LNX1: variants seen among roughly 807,000 people sequenced by gnomAD.
LNX1 encodes ligand of numb-protein X 1.
Under a neutral mutation model 68.4 loss-of-function variants are expected in LNX1, and 54 were observed. The observed-to-expected ratio is 0.79, with a 90% CI of 0.63 to 0.99. The LOEUF (loss-of-function observed/expected upper bound fraction) is 0.99, where lower values mean the gene tolerates loss of function less well. LNX1 is among the 50% of genes least tolerant of loss of function. The pLI, the probability that LNX1 is intolerant of heterozygous loss-of-function variation, is 0.00. For missense variants in LNX1, 906 were observed against 926.4 expected, an observed-to-expected ratio of 0.98 and a Z score of 0.29; for synonymous variants, 336 against 350.0, an observed-to-expected ratio of 0.96 and a Z score of 0.45.
rs1440935801 is a variant in LNX1 at position 53,459,647 on chromosome 4, TAA to T, written c.*1258_*1259del. 9 of 698,274 alleles carry T rather than the reference TAA, an allele frequency of 1.3e-5. No homozygotes were observed. In the East Asian group the frequency reaches 1.7e-4, roughly 13 times the overall value. 43.3% of individuals were successfully genotyped at this position (698,274 alleles called of 1,614,324 possible). ...TCTTTGTCTTGTACTATTTCAAAAA[TAA>T]AAAGACAGCAATGACTTTATATCCA... is the stretch of plus-strand genomic sequence containing the variant. On this transcript the variant is annotated 3_prime_UTR_variant, in exon 11 of 11. Transcript: ENST00000263925.
At chr4:53,517,794 G>A (rs373369251) in intron 2 of LNX1, among the ~76,000 whole-genome samples, 28 of 152,276 alleles carry the variant, frequency 1.8e-4, no homozygotes, top group Admixed American at 5.2e-4. Flanking sequence ...AAAGTTATGA[G>A]CATTTTTGCG....
intron 2 of LNX1, among the ~76,000 whole-genome samples, chr4:53,562,347 T>C (rs530396933): frequency 2.0e-5 from 3 of 152,296 alleles, no homozygotes; most frequent in Non-Finnish European, 4.4e-5. Flanking sequence ...TTCTCTACAG[T>C]AGACCCATGT....
At chr4:53,532,777 G>T (rs1222692990) in intron 2 of LNX1, among the ~76,000 whole-genome samples, 1 of 152,194 alleles carries the variant, frequency 6.6e-6, no homozygotes, top group Non-Finnish European at 1.5e-5. Flanking sequence ...CAGCTCCTGT[G>T]GGGCAGCAGG....
chr4:53,574,016 G>A lies in LNX1; in HGVS notation c.-14C>T, dbSNP rs1731335793. On this transcript the variant is annotated 5_prime_UTR_variant, in exon 2 of 11. Coordinates refer to ENST00000263925, the MANE Select transcript of LNX1 (RefSeq NM_001126328.3). ...TGGCTGGTTCATGATGGATTGGAGA[G>A]CAGTATAACAGGAAACTCAGTCACA... 3.7e-6 allele frequency: 6 copies of A among 1,600,046 alleles called. No homozygotes were observed. The highest frequency in any genetic ancestry group is 5.1e-6 in the Non-Finnish European group (6 of 1,172,348).
intron 1 of LNX1, among the ~76,000 whole-genome samples, chr4:53,643,500 G>A (rs571577163): frequency 6.6e-6 from 1 of 152,166 alleles, no homozygotes; most frequent in South Asian, 2.1e-4. Flanking sequence ...AGTGGACAGA[G>A]GGTGGCTGAT....
chr4:53,588,339 C>T (rs1250507674), intron 1 of LNX1, among the ~76,000 whole-genome samples: 1 of 152,160 alleles, frequency 6.6e-6, no homozygotes, highest in Non-Finnish European at 1.5e-5. Flanking sequence ...GTGGCAGGTA[C>T]CATTCCAAGC....
At chr4:53,569,738 G>A (rs1214291729) in intron 2 of LNX1, among the ~76,000 whole-genome samples, 2 of 146,228 alleles carry the variant, frequency 1.4e-5, no homozygotes, top group African/African-American at 5.1e-5. Context: ...CCTACAAAAT[G>A]GGAGAAAATT....
chr4:53,530,424 A>G (rs371968881), intron 2 of LNX1, among the ~76,000 whole-genome samples: 2 of 152,338 alleles, frequency 1.3e-5, no homozygotes, highest in Admixed American at 6.5e-5. Flanking sequence ...CTCATTTATA[A>G]TTAAAGAAGT....
At chr4:53,617,816 T>C (rs1202096348), upstream of LNX1, among the ~76,000 whole-genome samples, 1 of 152,202 alleles carries the variant, frequency 6.6e-6, no homozygotes, top group African/African-American at 2.4e-5. Flanking sequence ...TAGAATTATT[T>C]CTGATTGGAT....
At position 53,494,320 on chromosome 4, in the gene LNX1, G is replaced by A. The variant is rs551139762; in HGVS notation, c.1350+1703C>T. 1.1e-4 allele frequency among the ~76,000 whole-genome samples: 17 copies of A among 152,314 alleles called. No homozygotes were observed. The South Asian group carries it at 3.5e-3, about 32-fold the overall frequency. Reference sequence around the variant, plus strand: ...CTGCCATGATTGTGAGGCCTCCCGAGCCATGTGGAACTGTGGATCCATTAA... The same window carrying A: ...CTGCCATGATTGTGAGGCCTCCCGAACCATGTGGAACTGTGGATCCATTAA... On this transcript the variant is annotated intron_variant, in intron 6 of 10. Transcript: ENST00000263925.
At chr4:53,508,970 C>A (rs1409276363) in intron 2 of LNX1, among the ~76,000 whole-genome samples, 1 of 152,028 alleles carries the variant, frequency 6.6e-6, no homozygotes, top group East Asian at 1.9e-4. Context: ...TCCACAAAAA[C>A]CAAACTTTGT....
chr4:53,536,141 A>G (rs1728356105), intron 2 of LNX1, among the ~76,000 whole-genome samples: 1 of 152,214 alleles, frequency 6.6e-6, no homozygotes, highest in African/African-American at 2.4e-5. Context: ...TTTTCCTTAC[A>G]TAAGCAGGAA....
At chr4:53,539,953 T>C (rs1390228176) in intron 2 of LNX1, among the ~76,000 whole-genome samples, 1 of 152,254 alleles carries the variant, frequency 6.6e-6, no homozygotes, top group Non-Finnish European at 1.5e-5. Context: ...GACTTGGCCA[T>C]GTGGTTAGAA....
At position 53,460,773 on chromosome 4, in the gene LNX1, AG is replaced by A; in HGVS notation, c.*133del. 1 of 909,714 alleles carries A rather than the reference AG, an allele frequency of 1.1e-6. No homozygotes were observed. The highest frequency in any genetic ancestry group is 1.8e-5 in the South Asian group (1 of 56,218). The allele number at this position is 909,714 out of a possible 1,614,324, so 56.4% of individuals were successfully genotyped here. ...TTCTGAGGTGTAACTGGCTTTCATT[AG>A]ATGATCATACTTTTCCTGACATTTT... On this transcript the variant is annotated 3_prime_UTR_variant, in exon 11 of 11. Coordinates refer to ENST00000263925, the MANE Select transcript of LNX1 (RefSeq NM_001126328.3).
At chr4:53,514,572 GC>G (rs1726609551) in intron 2 of LNX1, among the ~76,000 whole-genome samples, 1 of 152,184 alleles carries the variant, frequency 6.6e-6, no homozygotes, top group Non-Finnish European at 1.5e-5. Context: ...TGGGGGAACT[GC>G]CCCCATGATT....
intron 2 of LNX1, among the ~76,000 whole-genome samples, chr4:53,571,185 A>G (rs1185907559): frequency 6.6e-6 from 1 of 151,450 alleles, no homozygotes; most frequent in Non-Finnish European, 1.5e-5. Flanking sequence ...ATGCCCAGCT[A>G]ATTTTTATAT....
At chr4:53,639,706 C>T (rs1734607058) in intron 1 of LNX1, among the ~76,000 whole-genome samples, 1 of 152,238 alleles carries the variant, frequency 6.6e-6, no homozygotes. Context: ...TGACTGCAAA[C>T]ACAGTGGAGA....
intron 2 of LNX1, among the ~76,000 whole-genome samples, chr4:53,571,319 T>A (rs1731152126): frequency 6.7e-6 from 1 of 150,296 alleles, no homozygotes; most frequent in Non-Finnish European, 1.5e-5. Context: ...ATGCCCCGCG[T>A]AAATTAAGAA....
chr4:53,644,916 C>G (rs1253061841), intron 1 of LNX1, among the ~76,000 whole-genome samples: 1 of 152,164 alleles, frequency 6.6e-6, no homozygotes, highest in Non-Finnish European at 1.5e-5. Flanking sequence ...GTAGCACAGT[C>G]AAAATGCGCT....
Sources: allele counts gnomAD v4.1 joint callset (sites outside exome capture counted in the v4.1 genomes callset), GRCh38; gene constraint gnomAD v4.1.1; transcripts MANE v1.5; gene names NCBI Gene and HGNC (gene_info 2026-07-23, HGNC 2026-07-21).